INTS6: variants seen among roughly 807,000 people sequenced by gnomAD.
INTS6 encodes DEAD box protein.
In INTS6, 16 loss-of-function variants were observed where a neutral mutation model predicts 104.9. That is an observed-to-expected ratio of 0.15 (90% confidence interval 0.10 to 0.23). The LOEUF (loss-of-function observed/expected upper bound fraction) is 0.23, where lower values mean the gene tolerates loss of function less well. Among genes scored for constraint, INTS6 ranks in the 10% least tolerant of loss-of-function variants. The probability of loss-of-function intolerance (pLI) is 1.00; values close to 1 mark genes in which losing one functional copy is unlikely to be tolerated. For missense variants in INTS6, 584 were observed against 1,062.8 expected (o/e 0.55, Z 6.26); for synonymous variants, 324 against 358.7 (o/e 0.90, Z 1.09).
At chr13:51,381,895 G>A in intron 10 of INTS6, 134 bp downstream of exon 10, 1 of 390,598 alleles carries the variant, frequency 2.6e-6, no homozygotes, top group South Asian at 2.9e-5. Flanking sequence ...TAGAAACGGG[G>A]TTTCACCATG....
chr13:51,349,996 G>C (rs990178599), downstream of INTS6, among the ~76,000 whole-genome samples: 4 of 152,162 alleles, frequency 2.6e-5, no homozygotes, highest in Non-Finnish European at 4.4e-5. Context: ...CTTAGGTCTA[G>C]ATTTAGGTAT....
chr13:51,357,702 G>A (rs2137814390), downstream of INTS6, among the ~76,000 whole-genome samples: 1 of 152,042 alleles, frequency 6.6e-6, no homozygotes, highest in South Asian at 2.1e-4. Flanking sequence ...ATGTTATGCA[G>A]CTTTTAAGAG....
intron 4 of INTS6, among the ~76,000 whole-genome samples, chr13:51,423,945 G>A (rs1956941240): frequency 6.6e-6 from 1 of 151,934 alleles, no homozygotes; most frequent in South Asian, 2.1e-4. Flanking sequence ...CAGATTCCCA[G>A]GTCCTTACCC....
intron 4 of INTS6, among the ~76,000 whole-genome samples, chr13:51,404,459 T>C (rs1444295039): frequency 6.6e-6 from 1 of 152,172 alleles, no homozygotes; most frequent in Non-Finnish European, 1.5e-5. Context: ...ATGGCCCTTG[T>C]ACGTGCCCAT....
In INTS6 at chr13:51,364,300, T is replaced by G. The variant is rs1955642430; in HGVS notation, c.*1452A>C. 1 of 1,389,050 alleles carries G rather than the reference T, an allele frequency of 7.2e-7. No homozygotes were observed. The highest frequency in any genetic ancestry group is 1.4e-5 in the African/African-American group (1 of 69,408). 86.0% of individuals were successfully genotyped at this position (1,389,050 alleles called of 1,614,324 possible). The stretch of plus-strand genomic sequence containing the variant: ...TAGACTAAATGCATGTTCTCCACTT[T>G]CATCAATGCTTTTCTTCATAAAGTT... On this transcript the variant is annotated 3_prime_UTR_variant, in exon 18 of 18. Coordinates refer to ENST00000311234, the MANE Select transcript of INTS6 (RefSeq NM_012141.3).
At chr13:51,404,982 A>T (rs1444296785) in intron 4 of INTS6, among the ~76,000 whole-genome samples, 6 of 152,254 alleles carry the variant, frequency 3.9e-5, no homozygotes, top group Non-Finnish European at 7.3e-5. Flanking sequence ...ATGTGTTATG[A>T]TATGTACAAC....
intron 4 of INTS6, among the ~76,000 whole-genome samples, chr13:51,399,474 T>G (rs761906533): frequency 2.6e-5 from 4 of 152,246 alleles, no homozygotes; most frequent in Non-Finnish European, 5.9e-5. Flanking sequence ...AGTGTAACTA[T>G]GAAATTACAG....
At chr13:51,341,409 G>A in the INTS6 span, 1 of 1,452,088 alleles carries the variant, frequency 6.9e-7, no homozygotes, top group Non-Finnish European at 9.3e-7. Context: ...ACTCTCTCCA[G>A]CTCACCCTCC....
chr13:51,353,501 G>T (rs1245383948), downstream of INTS6, among the ~76,000 whole-genome samples: 1 of 152,156 alleles, frequency 6.6e-6, no homozygotes, highest in Non-Finnish European at 1.5e-5. Flanking sequence ...TAGTTTGCAG[G>T]TAGTTACTTG....
chr13:51,383,916 G>A (rs1269874200), intron 7 of INTS6, 175 bp from the exon 8 acceptor site: 8 of 426,572 alleles, frequency 1.9e-5, no homozygotes, highest in Non-Finnish European at 3.3e-5. Context: ...CTAAAGTTAT[G>A]TAATATTCAC....
intron 4 of INTS6, among the ~76,000 whole-genome samples, chr13:51,416,180 C>G (rs1298662235): frequency 6.6e-6 from 1 of 152,110 alleles, no homozygotes; most frequent in Non-Finnish European, 1.5e-5. Context: ...GAAATGATCT[C>G]TAAATTTGTT....
At chr13:51,371,279 C>A (rs1005467496) in intron 15 of INTS6, among the ~76,000 whole-genome samples, 3 of 152,166 alleles carry the variant, frequency 2.0e-5, no homozygotes, top group South Asian at 4.1e-4. Flanking sequence ...AGAACTTACA[C>A]TTACACCTTC....
downstream of INTS6, chr13:51,361,383 C>T (rs956877231): frequency 1.4e-6 from 2 of 1,452,346 alleles, no homozygotes; most frequent in Non-Finnish European, 1.9e-6. Flanking sequence ...AGAGAATACC[C>T]AGTCACACTG....
intron 16 of INTS6, 50 bp from the exon 17 acceptor site, chr13:51,367,948 T>C (rs773177522): frequency 1.1e-6 from 1 of 950,372 alleles, no homozygotes; most frequent in Non-Finnish European, 1.6e-6. Context: ...TCATTTGTAT[T>C]CTTATTCAAT....
intron 4 of INTS6, among the ~76,000 whole-genome samples, chr13:51,419,576 G>A (rs1223363014): frequency 6.6e-6 from 1 of 152,036 alleles, no homozygotes; most frequent in Admixed American, 6.6e-5. Flanking sequence ...AGCCAGCTCC[G>A]GCCTCACTTT....
At position 51,361,997 on chromosome 13, in the gene INTS6, G is replaced by A; in HGVS notation, c.*3755C>T. The A allele has an allele frequency of 6.2e-7, 1 of 1,610,050 alleles. No homozygotes were observed. The highest frequency in any genetic ancestry group is 1.7e-5 in the Admixed American group (1 of 59,464). On this transcript the variant is annotated 3_prime_UTR_variant, in exon 18 of 18. Coordinates refer to ENST00000311234, the MANE Select transcript of INTS6 (RefSeq NM_012141.3). ...CCCTCAAAAATAAGCATTCTTTCTA[G>A]CTGTTTTTATGGTGCTTCAGAAGCT... is the stretch of plus-strand genomic sequence containing the variant.
At chr13:51,443,254 G>C (rs1312797950) in intron 3 of INTS6, 1 of 152,072 alleles carries the variant, frequency 6.6e-6, no homozygotes, top group Non-Finnish European at 1.5e-5. Flanking sequence ...GGAAAATTGA[G>C]TAAACTTCTA....
chr13:51,381,932 AC>A, intron 10 of INTS6, 96 bp downstream of exon 10: 1 of 580,030 alleles, frequency 1.7e-6, no homozygotes, highest in Non-Finnish European at 3.0e-6. Context: ...TGATCTCCTG[AC>A]CTCATGATCC....
At chr13:51,337,197 C>T in the INTS6 span, among the ~76,000 whole-genome samples, 1 of 152,200 alleles carries the variant, frequency 6.6e-6, no homozygotes, top group South Asian at 2.1e-4. Flanking sequence ...AATGGGACTC[C>T]TCCTGTACAA....
Sources: allele counts gnomAD v4.1 joint callset (sites outside exome capture counted in the v4.1 genomes callset), GRCh38; gene constraint gnomAD v4.1.1; transcripts MANE v1.5; gene names NCBI Gene and HGNC (gene_info 2026-07-23, HGNC 2026-07-21).